The following TCF4 variants were observed in gnomAD, a reference collection of about 807,000 sequenced individuals.
TCF4 encodes the protein transcription factor 4.
In TCF4, 3 loss-of-function variants were observed where a neutral mutation model predicts 82.1. That is an observed-to-expected ratio of 0.04 (90% CI 0.02 to 0.09). The LOEUF is 0.09. Among genes scored for constraint, TCF4 ranks in the 10% least tolerant of loss-of-function variants. The pLI, the probability that TCF4 is intolerant of heterozygous loss-of-function variation, is 1.00. For missense variants in TCF4, 518 were observed against 852.7 expected, an observed-to-expected ratio of 0.61 and a Z score of 4.89; for synonymous variants, 276 against 309.6, an observed-to-expected ratio of 0.89 and a Z score of 1.14.
At chr18:55,567,872 T>C (rs2147465735) in intron 3 of TCF4, among the ~76,000 whole-genome samples, 1 of 152,290 alleles carries the variant, frequency 6.6e-6, no homozygotes, top group East Asian at 1.9e-4. Flanking sequence ...CAAAGAACTG[T>C]TGCCATACAG....
intron 5 of TCF4, among the ~76,000 whole-genome samples, chr18:55,448,621 T>C (rs939346908): frequency 5.3e-5 from 8 of 152,218 alleles, no homozygotes; most frequent in South Asian, 2.1e-4. Flanking sequence ...GAGGCATCTA[T>C]CTGTGGACAA....
At chr18:55,375,679 C>T (rs1443048910) in intron 6 of TCF4, among the ~76,000 whole-genome samples, 5 of 152,118 alleles carry the variant, frequency 3.3e-5, no homozygotes, top group East Asian at 1.9e-4. Context: ...TCTGGAGTTA[C>T]GGGTTATAAG....
intron 16 of TCF4, 92 bp from the exon 17 acceptor site, chr18:55,232,763 C>T (rs1568333575): frequency 6.7e-7 from 1 of 1,485,744 alleles, no homozygotes; most frequent in South Asian, 1.2e-5. Context: ...ATTCATACTG[C>T]TGAACTGTGA....
chr18:55,297,531 T>C (rs2146822677), intron 8 of TCF4, among the ~76,000 whole-genome samples: 1 of 151,882 alleles, frequency 6.6e-6, no homozygotes, highest in African/African-American at 2.4e-5. Context: ...AGGGAGAGGG[T>C]CTGGGTATTA....
At chr18:55,354,678 T>C (rs1387806778) in intron 6 of TCF4, among the ~76,000 whole-genome samples, 1 of 152,188 alleles carries the variant, frequency 6.6e-6, no homozygotes, top group Non-Finnish European at 1.5e-5. Context: ...AATGGGTGGG[T>C]GGTACATTTC....
At chr18:55,533,408 GA>G (rs1340215260) in intron 3 of TCF4, among the ~76,000 whole-genome samples, 1 of 152,124 alleles carries the variant, frequency 6.6e-6, no homozygotes, top group Non-Finnish European at 1.5e-5. Flanking sequence ...AAGCCCAGAG[GA>G]AGTCAGTCAG....
chr18:55,322,207 T>A, intron 8 of TCF4: 1 of 1,063,482 alleles, frequency 9.4e-7, no homozygotes, highest in Non-Finnish European at 1.1e-6. Flanking sequence ...GGTCCATTAT[T>A]GAGCAGAATA....
intron 3 of TCF4, among the ~76,000 whole-genome samples, chr18:55,547,970 C>T (rs1252200931): frequency 6.6e-6 from 1 of 152,148 alleles, no homozygotes; most frequent in Non-Finnish European, 1.5e-5. Flanking sequence ...GTTTTGTGAC[C>T]TCACCAACCC....
intron 15 of TCF4, among the ~76,000 whole-genome samples, chr18:55,239,405 C>A (rs1258271191): frequency 1.3e-5 from 2 of 152,124 alleles, no homozygotes; most frequent in Admixed American, 1.3e-4. Flanking sequence ...AGATTTTGAA[C>A]TCAGAAAACT....
At chr18:55,330,707 C>T (rs917818832) in intron 8 of TCF4, among the ~76,000 whole-genome samples, 2 of 151,756 alleles carry the variant, frequency 1.3e-5, no homozygotes, top group African/African-American at 4.8e-5. Flanking sequence ...CTGGGATTAC[C>T]AGCATGCACC....
chr18:55,298,332 TC>T (rs1208811797), intron 8 of TCF4, among the ~76,000 whole-genome samples: 1 of 152,184 alleles, frequency 6.6e-6, no homozygotes, highest in African/African-American at 2.4e-5. Flanking sequence ...TTTTCCCATT[TC>T]AAAACCAGAA....
intron 6 of TCF4, among the ~76,000 whole-genome samples, chr18:55,376,369 A>G (rs1480075977): frequency 6.6e-6 from 1 of 152,172 alleles, no homozygotes. Context: ...AGAAAATACT[A>G]TGCAGTTTTA....
chr18:55,313,418 A>G (rs546334547), intron 8 of TCF4, among the ~76,000 whole-genome samples: 10 of 152,126 alleles, frequency 6.6e-5, no homozygotes, highest in Non-Finnish European at 1.2e-4. Context: ...AAATAATGGC[A>G]TTGTATCTAT....
At chr18:55,320,009 C>G (rs1322630230) in intron 8 of TCF4, among the ~76,000 whole-genome samples, 1 of 152,042 alleles carries the variant, frequency 6.6e-6, no homozygotes, top group Admixed American at 6.6e-5. Flanking sequence ...TATCTAATCC[C>G]TGAATCTGCT....
At chr18:55,439,395 A>G (rs2095394915) in intron 5 of TCF4, among the ~76,000 whole-genome samples, 1 of 152,168 alleles carries the variant, frequency 6.6e-6, no homozygotes. Context: ...TAGCTGGTTA[A>G]AAGCAAGACC....
intron 8 of TCF4, among the ~76,000 whole-genome samples, chr18:55,301,368 T>C (rs1418804196): frequency 1.3e-5 from 2 of 152,198 alleles, no homozygotes; most frequent in Non-Finnish European, 2.9e-5. Context: ...ATTTTCTTAT[T>C]AACTCGATCG....
intron 3 of TCF4, among the ~76,000 whole-genome samples, chr18:55,491,747 T>G (rs1316826573): frequency 6.6e-6 from 1 of 152,206 alleles, no homozygotes; most frequent in Non-Finnish European, 1.5e-5. Context: ...GCATGTGCAA[T>G]GTGCCTCATG....
chr18:55,484,310 G>A (rs1003453641), intron 3 of TCF4, among the ~76,000 whole-genome samples: 2 of 152,144 alleles, frequency 1.3e-5, no homozygotes, highest in Non-Finnish European at 2.9e-5. Context: ...TACTGACTCT[G>A]AGAAGCATTT....
At chr18:55,554,061 T>A (rs1478844115) in intron 3 of TCF4, among the ~76,000 whole-genome samples, 1 of 152,138 alleles carries the variant, frequency 6.6e-6, no homozygotes, top group Non-Finnish European at 1.5e-5. Flanking sequence ...AAGTCACTCA[T>A]AATTTTTTTA....
Sources: gnomAD v4.1 joint callset for allele counts (sites outside exome capture counted in the v4.1 genomes callset) on GRCh38, gnomAD v4.1.1 for gene constraint, MANE v1.5 for transcripts, NCBI Gene and HGNC (gene_info 2026-07-23, HGNC 2026-07-21) for gene names.